NRG3: variants seen among roughly 807,000 people sequenced by gnomAD.
The protein encoded by NRG3 is pro-neuregulin-3, membrane-bound isoform.
NRG3 carries 31 observed loss-of-function variants against 66.9 expected under a neutral mutation model. The observed-to-expected ratio is 0.46, with a 90% CI of 0.35 to 0.63. NRG3 has a LOEUF of 0.63. Among genes scored for constraint, NRG3 ranks in the 20% least tolerant of loss-of-function variants. The pLI is 0.00. For synonymous variants in NRG3, 393 were observed against 359.4 expected (o/e 1.09, Z -1.06); for missense variants, 910 against 878.9 (o/e 1.04, Z -0.45).
Position 82,717,873 on chromosome 10 carries a change from G to A in NRG3, c.954-20704G>A, listed in dbSNP as rs141129798. Among the ~76,000 whole-genome samples, 518 of 150,390 alleles carry A rather than the reference G, an allele frequency of 3.4e-3. 1 individual carries two copies. The highest frequency in any genetic ancestry group is 5.6e-3 in the Non-Finnish European group (378 of 67,796). On this transcript the variant is annotated intron_variant, in intron 2 of 8. Coordinates refer to ENST00000372141, the MANE Select transcript of NRG3 (RefSeq NM_001010848.4). ...AGTCTTTTTTTTTTTTTAATAGTGA[G>A]CCAATGTCTCTGTCCTTCCATTTCC...
At position 82,091,410 on chromosome 10, in the gene NRG3, A is replaced by T. The variant is rs184268246; in HGVS notation, c.823+215247A>T. Among the ~76,000 whole-genome samples, 209 of 152,284 alleles carry T rather than the reference A, an allele frequency of 1.4e-3. 1 individual carries two copies. The highest frequency in any genetic ancestry group is 4.7e-3 in the African/African-American group (195 of 41,562). On this transcript the variant is annotated intron_variant, in intron 1 of 8. Transcript: ENST00000372141. Reference sequence around the variant, plus strand: ...TGTTTTAGGTAGCTCATGTAAGTGTAATCATATATTTGTCCTTCAGTGTCT... The same window carrying T: ...TGTTTTAGGTAGCTCATGTAAGTGTTATCATATATTTGTCCTTCAGTGTCT...
chr10:82,061,768 C>G (rs1272533887), intron 1 of NRG3, among the ~76,000 whole-genome samples: 1 of 151,732 alleles, frequency 6.6e-6, no homozygotes, highest in Non-Finnish European at 1.5e-5. Flanking sequence ...CATAACTGCT[C>G]TCTTCCCTCC....
chr10:82,260,519 T>G (rs1410519601), intron 1 of NRG3, among the ~76,000 whole-genome samples: 1 of 152,124 alleles, frequency 6.6e-6, no homozygotes, highest in Non-Finnish European at 1.5e-5. Flanking sequence ...GTAAAGACAA[T>G]GAATGGGTCA....
intron 2 of NRG3, among the ~76,000 whole-genome samples, chr10:82,421,033 G>T (rs1697421461): frequency 6.6e-6 from 1 of 152,084 alleles, no homozygotes; most frequent in Non-Finnish European, 1.5e-5. Context: ...TCTTTATGGT[G>T]CTGGGATCAT....
At chr10:82,861,122 C>T (rs955246774) in intron 3 of NRG3, among the ~76,000 whole-genome samples, 8 of 151,390 alleles carry the variant, frequency 5.3e-5, no homozygotes, top group South Asian at 2.1e-4. Flanking sequence ...TTTAATAAAA[C>T]GATGGAAGCA....
At chr10:82,440,362 A>AT (rs5786552) in intron 2 of NRG3, among the ~76,000 whole-genome samples, 54,268 of 136,124 alleles carry the variant, frequency 0.4, 12,853 homozygotes, top group African/African-American at 0.68. Flanking sequence ...TGCCTGTTTG[A>AT]TTTTTTTTTT....
intron 2 of NRG3, among the ~76,000 whole-genome samples, chr10:82,606,750 AT>A (rs2047989664): frequency 6.6e-6 from 1 of 152,152 alleles, no homozygotes; most frequent in Non-Finnish European, 1.5e-5. Context: ...GTTCCTATAG[AT>A]AGAATCTCTG....
chr10:82,395,102 C>A (rs2086633559), intron 2 of NRG3, among the ~76,000 whole-genome samples: 1 of 152,096 alleles, frequency 6.6e-6, no homozygotes. Context: ...GTTTCTGTCA[C>A]CACCATGAGA....
chr10:82,574,237 C>G (rs1326453443), intron 2 of NRG3, among the ~76,000 whole-genome samples: 1 of 151,600 alleles, frequency 6.6e-6, no homozygotes, highest in Non-Finnish European at 1.5e-5. Context: ...TTTGCAGCAA[C>G]GTGGGTGAAA....
At chr10:81,921,260 G>T (rs955193254) in intron 1 of NRG3, among the ~76,000 whole-genome samples, 1 of 151,904 alleles carries the variant, frequency 6.6e-6, no homozygotes, top group Admixed American at 6.6e-5. Flanking sequence ...ATTGCTAATT[G>T]TATTATTTAT....
chr10:81,905,006 C>A (rs1844448151), intron 1 of NRG3, among the ~76,000 whole-genome samples: 1 of 152,118 alleles, frequency 6.6e-6, no homozygotes, highest in South Asian at 2.1e-4. Context: ...TACTAAATAC[C>A]AGGCGTCCAG....
chr10:82,459,831 GC>G (rs1361466602), intron 2 of NRG3, among the ~76,000 whole-genome samples: 1 of 152,172 alleles, frequency 6.6e-6, no homozygotes, highest in African/African-American at 2.4e-5. Flanking sequence ...AAATTGTTGA[GC>G]CCCCTTGGTT....
At chr10:82,978,534 A>AC (rs1315113664) in intron 7 of NRG3, among the ~76,000 whole-genome samples, 27 of 152,212 alleles carry the variant, frequency 1.8e-4, no homozygotes, top group Non-Finnish European at 1.5e-5. Flanking sequence ...TTCTGGGCTT[A>AC]CTGTGTTCAG....
At chr10:81,908,900 G>C (rs1844846375) in intron 1 of NRG3, among the ~76,000 whole-genome samples, 1 of 152,182 alleles carries the variant, frequency 6.6e-6, no homozygotes, top group Non-Finnish European at 1.5e-5. Flanking sequence ...AGAGGTGGTG[G>C]TGATGGTGTT....
intron 2 of NRG3, among the ~76,000 whole-genome samples, chr10:82,625,422 T>C (rs2049352646): frequency 6.6e-6 from 1 of 152,092 alleles, no homozygotes; most frequent in African/African-American, 2.4e-5. Flanking sequence ...TATGTTAGAG[T>C]GTAACTAATA....
chr10:82,270,972 A>G (rs1417115613), intron 1 of NRG3, among the ~76,000 whole-genome samples: 1 of 152,110 alleles, frequency 6.6e-6, no homozygotes, highest in Admixed American at 6.6e-5. Flanking sequence ...TTCCAGGATG[A>G]GGGTGAGACC....
In NRG3 at chr10:82,239,034, G is replaced by T. The variant is rs961010435; in HGVS notation, c.824-119705G>T. ...CTTATATCTATAGGTTTACATCTTA[G>T]ATTTAGATTTTTATTCCACCTTTGT... On this transcript the variant is annotated intron_variant, in intron 1 of 8. Coordinates refer to ENST00000372141, the MANE Select transcript of NRG3 (RefSeq NM_001010848.4). Among the ~76,000 whole-genome samples the T allele has an allele frequency of 2.7e-5, 4 of 147,042 alleles. No individual in the cohort carries two copies. The Admixed American group carries it at 2.7e-4, about 10-fold the overall frequency.
chr10:82,151,467 T>C (rs1176720472), intron 1 of NRG3, among the ~76,000 whole-genome samples: 1 of 152,136 alleles, frequency 6.6e-6, no homozygotes, highest in Non-Finnish European at 1.5e-5. Context: ...ATCAGGACTC[T>C]TTCTGTGAAT....
intron 2 of NRG3, among the ~76,000 whole-genome samples, chr10:82,490,299 C>T (rs185132737): frequency 6.6e-6 from 1 of 152,260 alleles, no homozygotes; most frequent in African/African-American, 2.4e-5. Context: ...CTTTTCCCCT[C>T]TCATGCTCAT....
Sources: allele counts gnomAD v4.1 joint callset (sites outside exome capture counted in the v4.1 genomes callset), GRCh38; gene constraint gnomAD v4.1.1; transcripts MANE v1.5; gene names NCBI Gene and HGNC (gene_info 2026-07-23, HGNC 2026-07-21).